Variants in PDGFD observed in about 807,000 individuals in gnomAD.
PDGFD encodes platelet-derived growth factor D.
PDGFD carries 30 observed loss-of-function variants against 44.7 expected under a neutral mutation model. The observed-to-expected ratio is 0.67, with a 90% CI of 0.50 to 0.91. The LOEUF is 0.91. Among genes scored for constraint, PDGFD ranks in the 40% least tolerant of loss-of-function variants. PDGFD has a pLI of 0.00. For synonymous variants in PDGFD, 173 were observed against 168.4 expected (o/e 1.03, Z -0.21); for missense variants, 445 against 457.8 (o/e 0.97, Z 0.25).
chr11:103,935,211 G>T (rs11226080), intron 5 of PDGFD, among the ~76,000 whole-genome samples: 5,925 of 152,210 alleles, frequency 0.039, 356 homozygotes, highest in East Asian at 0.23. Flanking sequence ...TGAGGGTGGG[G>T]TTAGGATATC....
intron 1 of PDGFD, among the ~76,000 whole-genome samples, chr11:104,069,044 G>A (rs942252093): frequency 2.0e-5 from 3 of 152,062 alleles, no homozygotes; most frequent in African/African-American, 7.2e-5. Flanking sequence ...ACCTTATTCC[G>A]TGTCTAAGTT....
chr11:103,956,769 T>C (rs1362407820), intron 3 of PDGFD, among the ~76,000 whole-genome samples: 1 of 152,166 alleles, frequency 6.6e-6, no homozygotes, highest in African/African-American at 2.4e-5. Context: ...TGGCGTGAGA[T>C]GGTATCTCAT....
At chr11:103,971,707 T>C (rs565017225) in intron 3 of PDGFD, among the ~76,000 whole-genome samples, 4 of 152,248 alleles carry the variant, frequency 2.6e-5, no homozygotes, top group Admixed American at 6.5e-5. Context: ...TTATGTTGTT[T>C]ATTCCATCTC....
chr11:104,107,913 C>A (rs1861493709), intron 1 of PDGFD, among the ~76,000 whole-genome samples: 2 of 151,970 alleles, frequency 1.3e-5, no homozygotes, highest in South Asian at 4.2e-4. Flanking sequence ...TAATTACTAC[C>A]ATCATTAATT....
chr11:104,086,174 A>T (rs1336883316), intron 1 of PDGFD, among the ~76,000 whole-genome samples: 1 of 152,156 alleles, frequency 6.6e-6, no homozygotes, highest in Non-Finnish European at 1.5e-5. Flanking sequence ...CAAAAACAGC[A>T]ATGATGTAGT....
chr11:104,149,977 T>G (rs1862218665), intron 1 of PDGFD, among the ~76,000 whole-genome samples: 1 of 152,182 alleles, frequency 6.6e-6, no homozygotes, highest in Non-Finnish European at 1.5e-5. Flanking sequence ...ATATATCACA[T>G]GACATCAACA....
At chr11:104,026,311 T>C (rs1860041559) in intron 1 of PDGFD, among the ~76,000 whole-genome samples, 1 of 152,342 alleles carries the variant, frequency 6.6e-6, no homozygotes, top group South Asian at 2.1e-4. Flanking sequence ...CTACTAATAG[T>C]TTCAGAAGTG....
chr11:104,038,059 C>T (rs768125903), intron 1 of PDGFD: 51 of 1,533,590 alleles, frequency 3.3e-5, no homozygotes, highest in South Asian at 4.9e-5. Context: ...CTCAGGTCCC[C>T]GGCAATTATA....
At chr11:103,943,054 A>C (rs1272976354) in intron 5 of PDGFD, among the ~76,000 whole-genome samples, 3 of 152,148 alleles carry the variant, frequency 2.0e-5, no homozygotes, top group Non-Finnish European at 4.4e-5. Context: ...TTTGGGCAAA[A>C]TGCAGAACTT....
Position 103,996,100 on chromosome 11 carries a change from C to T in PDGFD, c.475G>A (p.Ala159Thr). The change falls in exon 3 of 7, where the codon GCT becomes ACT. Residue 159 changes from alanine to threonine, a missense_variant. By Grantham distance (58) the Ala-to-Thr change is moderately conservative (BLOSUM62 0). Transcript: ENST00000393158. ...ITFKSDDYFV[A>T]KPGFKIYYSL... ...TAATAAATCTTGAATCCAGGTTTAG[C>T]CACAAAGTAGTCATCGGACTTGAAT... The T allele has an allele frequency of 6.2e-7, 1 of 1,613,444 alleles. No individual in the cohort carries two copies. Among genetic ancestry groups the T allele is most frequent in the Non-Finnish European group, 8.5e-7 (1 of 1,179,708 alleles).
rs112693531 is a variant in PDGFD, at chr11:104,098,736, A to G, written c.124+65068T>C. Reference sequence around the variant, plus strand: ...TAGCTATGTTGCACAGGCTGGTCTCAAATTTCTTGGCTTAAGTGATATTAC... The same window carrying G: ...TAGCTATGTTGCACAGGCTGGTCTCGAATTTCTTGGCTTAAGTGATATTAC... On this transcript the variant is annotated intron_variant, in intron 1 of 6. Coordinates refer to ENST00000393158, the MANE Select transcript of PDGFD (RefSeq NM_025208.5). 5.9e-3 allele frequency among the ~76,000 whole-genome samples: 899 copies of G among 152,192 alleles called. 3 individuals carry two copies. Among genetic ancestry groups the G allele is most frequent in the African/African-American group, 0.02 (813 of 41,534 alleles).
At chr11:103,972,601 G>A (rs550857265) in intron 3 of PDGFD, among the ~76,000 whole-genome samples, 1 of 152,218 alleles carries the variant, frequency 6.6e-6, no homozygotes, top group South Asian at 2.1e-4. Context: ...AAGAAACATA[G>A]AGAGGCTGAT....
Position 103,908,527 on chromosome 11 carries a change from A to T in PDGFD, c.*1167T>A, listed in dbSNP as rs1235396357. On this transcript the variant is annotated 3_prime_UTR_variant, in exon 7 of 7. Coordinates refer to ENST00000393158, the MANE Select transcript of PDGFD (RefSeq NM_025208.5). ...ATACGATTAGAAATTTACATTAATA[A>T]AATGTGATTTTTTTGATACACAAAA... 2 of 152,208 alleles carry T rather than the reference A, an allele frequency of 1.3e-5. No homozygotes were observed. Among genetic ancestry groups the T allele is most frequent in the African/African-American group, 4.8e-5 (2 of 41,452 alleles). The allele number at this position is 152,208 out of a possible 1,614,324, so 9.4% of individuals were successfully genotyped here. A position where few individuals can be genotyped will look rare whatever the true frequency, so the allele number is the denominator to read the frequency against.
At position 103,907,480 on chromosome 11, in the gene PDGFD, T is replaced by C. The variant is rs988670403; in HGVS notation, c.*2214A>G. The stretch of plus-strand genomic sequence containing the variant: ...TCAAATAGATTTATTGGCTACATGT[T>C]AGAAGTGCAAAAGATAACAGGTAAC... On this transcript the variant is annotated 3_prime_UTR_variant, in exon 7 of 7. Coordinates refer to ENST00000393158, the MANE Select transcript of PDGFD (RefSeq NM_025208.5). The C allele has an allele frequency of 1.3e-5, 2 of 152,340 alleles. No homozygotes were observed. The highest frequency in any genetic ancestry group is 4.8e-5 in the African/African-American group (2 of 41,592). The allele number at this position is 152,340 out of a possible 1,614,324, so 9.4% of individuals were successfully genotyped here. A position where few individuals can be genotyped will look rare whatever the true frequency, so the allele number is the denominator to read the frequency against.
chr11:103,950,406 A>C (rs1858734774), intron 3 of PDGFD, among the ~76,000 whole-genome samples: 1 of 151,068 alleles, frequency 6.6e-6, no homozygotes, highest in Middle Eastern at 3.4e-3. Context: ...AAAAAAAAAA[A>C]AAAAAAAATT....
chr11:104,096,613 C>G (rs1861292389), intron 1 of PDGFD, among the ~76,000 whole-genome samples: 1 of 152,110 alleles, frequency 6.6e-6, no homozygotes, highest in Non-Finnish European at 1.5e-5. Flanking sequence ...AGTATACATA[C>G]AATCATTCTA....
intron 5 of PDGFD, among the ~76,000 whole-genome samples, chr11:103,929,474 A>C (rs1029731708): frequency 1.6e-4 from 25 of 152,336 alleles, no homozygotes; most frequent in Admixed American, 3.3e-4. Flanking sequence ...AGGAGAAGGC[A>C]TGTAAGCCTC....
intron 6 of PDGFD, among the ~76,000 whole-genome samples, chr11:103,910,948 A>G (rs4304743): frequency 0.46 from 69,264 of 151,806 alleles, 15,866 homozygotes; most frequent in South Asian, 0.49. Context: ...TTACCCTCAA[A>G]GTGTAAACAA....
chr11:104,116,936 C>A (rs1207289781), intron 1 of PDGFD, among the ~76,000 whole-genome samples: 1 of 152,016 alleles, frequency 6.6e-6, no homozygotes, highest in Non-Finnish European at 1.5e-5. Flanking sequence ...CCTCCCCAGC[C>A]ATGTGGAGCT....
Sources: allele counts gnomAD v4.1 joint callset (sites outside exome capture counted in the v4.1 genomes callset), GRCh38; gene constraint gnomAD v4.1.1; transcripts MANE v1.5; gene names NCBI Gene and HGNC (gene_info 2026-07-23, HGNC 2026-07-21).